CD101: variants seen among roughly 807,000 people sequenced by gnomAD.
CD101 encodes CD101 molecule.
A neutral mutation model predicts 98.2 loss-of-function variants in CD101; 76 were observed. The observed-to-expected ratio is 0.77, with a 90% confidence interval of 0.64 to 0.94. The LOEUF is 0.94. Among genes scored for constraint, CD101 ranks in the 40% least tolerant of loss-of-function variants. The pLI is 0.00. For missense variants in CD101, 1,145 were observed against 1,218.8 expected, an observed-to-expected ratio of 0.94 and a Z score of 0.90; for synonymous variants, 471 against 472.7, an observed-to-expected ratio of 1.00 and a Z score of 0.05.
rs890402334 is a variant in CD101, at chr1:117,033,030, T to C, written c.2825-830T>C. The C allele has an allele frequency of 6.6e-6, 1 of 152,234 alleles. No individual in the cohort carries two copies. Among genetic ancestry groups the C allele is most frequent in the African/African-American group, 2.4e-5 (1 of 41,446 alleles). The allele number at this position is 152,234 out of a possible 1,614,324, so 9.4% of individuals were successfully genotyped here. ...CACATGTGCTAGGCACTGTAGGGGA[T>C]ATAGAAACAAATGGCACTATCAGAC... On this transcript the variant is annotated intron_variant, in intron 8 of 9. Coordinates refer to ENST00000682167, the MANE Select transcript of CD101 (RefSeq NM_001256106.3). This position sits in a 1 kb window ranked among gnomAD's most constrained non-coding sequence, Gnocchi z 4.8.
At chr1:117,029,065 GAGAA>G (rs1200743314) in intron 8 of CD101, among the ~76,000 whole-genome samples, 4 of 149,756 alleles carry the variant, frequency 2.7e-5, no homozygotes, top group African/African-American at 9.9e-5. Context: ...GAGAGAGAGA[GAGAA>G]AGGAAGGAAG....
intron 4 of CD101, among the ~76,000 whole-genome samples, chr1:117,015,355 TA>T (rs901441587): frequency 1.8e-4 from 27 of 150,604 alleles, no homozygotes; most frequent in African/African-American, 5.1e-4. Flanking sequence ...AAACATCATT[TA>T]AAAAAAAAAT....
chr1:117,004,411 T>C lies in CD101; in HGVS notation c.43+2551T>C, dbSNP rs998129601. 6.6e-6 allele frequency among the ~76,000 whole-genome samples: 1 copy of C among 152,224 alleles called. No homozygotes were observed. The highest frequency in any genetic ancestry group is 6.5e-5 in the Admixed American group (1 of 15,280). On this transcript the variant is annotated intron_variant, in intron 1 of 9. Transcript: ENST00000682167. The surrounding 1 kb of genome is among the most constrained non-coding windows in gnomAD (Gnocchi z 4.1). Reference sequence around the variant, plus strand: ...TTTTATACAGTTCAACCTAATCGTTTTCATTCAAATAATACTGCAGTGGTA... The same window carrying C: ...TTTTATACAGTTCAACCTAATCGTTCTCATTCAAATAATACTGCAGTGGTA...
rs1207531981 is a variant in CD101 at position 117,029,203 on chromosome 1, GAAAAGA to G, written c.2824+3302_2824+3307del. 1.0e-3 allele frequency among the ~76,000 whole-genome samples: 71 copies of G among 69,084 alleles called. 5 individuals carry two copies. Among genetic ancestry groups the G allele is most frequent in the East Asian group, 4.2e-3 (12 of 2,884 alleles). 45.3% of individuals were successfully genotyped at this position (69,084 alleles called of 152,430 possible). On this transcript the variant is annotated intron_variant, in intron 8 of 9. Transcript: ENST00000682167. Reference sequence around the variant, plus strand: ...AGAAAGAAAGAAAGAAAGAAAGAAAGAAAAGAAAGAAAAGAAAGAAAGAAAGAAAGA... The same window carrying G: ...AGAAAGAAAGAAAGAAAGAAAGAAAGAAGAAAAGAAAGAAAGAAAGAAAGA...
chr1:117,018,484 A>G lies in CD101; in HGVS notation c.1941A>G (p.Arg647=). 1 of 1,614,166 alleles carries G rather than the reference A, an allele frequency of 6.2e-7. No individual in the cohort carries two copies. Among genetic ancestry groups the G allele is most frequent in the Non-Finnish European group, 8.5e-7 (1 of 1,179,990 alleles). ...AGTGTGAAGTAGAAGTTTATGACAGAAATTCCCTATACAACAACCGCCCCC... is the reference window on the plus strand; with the variant it reads ...AGTGTGAAGTAGAAGTTTATGACAGGAATTCCCTATACAACAACCGCCCCC... ...VYQCEVEVYD[R]NSLYNNRPPR... Residue 647 remains arginine (R), a synonymous_variant, in exon 6 of 10, where the codon AGA becomes AGG. Coordinates refer to ENST00000682167, the MANE Select transcript of CD101 (RefSeq NM_001256106.3). This position sits in a 1 kb window ranked among gnomAD's most constrained non-coding sequence, Gnocchi z 4.3.
In CD101 at chr1:117,022,015, T is replaced by C. The variant is rs1380086300; in HGVS notation, c.2428+32T>C. The C allele has an allele frequency of 3.2e-6, 5 of 1,563,572 alleles. No individual in the cohort carries two copies. The highest frequency in any genetic ancestry group is 1.7e-4 in the Middle Eastern group (1 of 5,776). ...CTTGCGAGTGTATCCTCACAATGTCTGTCTGTCTGACGGCTGTTTTCTCTT... is the reference window on the plus strand; with the variant it reads ...CTTGCGAGTGTATCCTCACAATGTCCGTCTGTCTGACGGCTGTTTTCTCTT... On this transcript the variant is annotated intron_variant, in intron 7 of 9. Coordinates refer to ENST00000682167, the MANE Select transcript of CD101 (RefSeq NM_001256106.3). The surrounding 1 kb of genome is among the most constrained non-coding windows in gnomAD (Gnocchi z 4.8).
chr1:117,030,321 C>T (rs922733112), intron 8 of CD101, among the ~76,000 whole-genome samples: 1 of 151,792 alleles, frequency 6.6e-6, no homozygotes, highest in African/African-American at 2.4e-5. Flanking sequence ...GTCAAGGCTG[C>T]AGTAAGCCAT....
Position 117,011,540 on chromosome 1 carries a change from T to A in CD101, c.425-10T>A, listed in dbSNP as rs766643582. On this transcript the variant is annotated splice_polypyrimidine_tract_variant and intron_variant, in intron 2 of 9. Transcript: ENST00000682167. ...GGCCAGTCACATTATTATCATTCCT[T>A]TGTTTCCAGTTATTCCAGATACCCT... is the stretch of plus-strand genomic sequence containing the variant. 1 of 1,607,424 alleles carries A rather than the reference T, an allele frequency of 6.2e-7. No individual in the cohort carries two copies. The highest frequency in any genetic ancestry group is 8.5e-7 in the Non-Finnish European group (1 of 1,176,880).
chr1:117,008,190 C>T (rs148736338), intron 1 of CD101, among the ~76,000 whole-genome samples: 9 of 152,226 alleles, frequency 5.9e-5, no homozygotes, highest in South Asian at 2.1e-4. Flanking sequence ...AGAGGCTGAG[C>T]GCAGTGGCTC....
At chr1:117,034,279 C>A in intron 9 of CD101, 145 bp downstream of exon 9, 1 of 692,128 alleles carries the variant, frequency 1.4e-6, no homozygotes, top group Non-Finnish European at 2.4e-6. Context: ...GTTAGGTGTT[C>A]CTTTGTGTCT....
At chr1:117,016,638 C>T (rs889531132) in intron 4 of CD101, among the ~76,000 whole-genome samples, 2 of 152,120 alleles carry the variant, frequency 1.3e-5, no homozygotes, top group African/African-American at 2.4e-5. Context: ...ACAGGAGGAT[C>T]GCTTGAGGCC....
At position 117,001,835 on chromosome 1, in the gene CD101, T is replaced by C. The variant is rs766340407; in HGVS notation, c.18T>C (p.Tyr6=). Residue 6 remains tyrosine (Y), a synonymous_variant, in exon 1 of 10, where the codon TAT becomes TAC. Transcript: ENST00000682167. ...TGGCCCAAATGGCAGGCATCTCATA[T>C]GTGGCATCTTTCTTTCTCCTTCTGA... is the stretch of plus-strand genomic sequence containing the variant. MAGIS[Y]VASFFLLLTK... The C allele has an allele frequency of 6.2e-7, 1 of 1,614,194 alleles. No homozygotes were observed. Among genetic ancestry groups the C allele is most frequent in the East Asian group, 2.2e-5 (1 of 44,882 alleles).
Position 117,023,024 on chromosome 1 carries a change from A to G in CD101, c.2428+1041A>G, listed in dbSNP as rs1452133608. ...AAACACTGCCCTGGTTTCAACTACC[A>G]CCTTCTAGATGATAACTCTGAGATT... On this transcript the variant is annotated intron_variant, in intron 7 of 9. Transcript: ENST00000682167. The surrounding 1 kb of genome is among the most constrained non-coding windows in gnomAD (Gnocchi z 4.4). Among the ~76,000 whole-genome samples the G allele has an allele frequency of 6.6e-6, 1 of 152,176 alleles. No homozygotes were observed.
chr1:117,002,081 T>A (rs1008921512), intron 1 of CD101, among the ~76,000 whole-genome samples: 1 of 152,208 alleles, frequency 6.6e-6, no homozygotes, highest in Non-Finnish European at 1.5e-5. Flanking sequence ...TGCACAAGAT[T>A]CCATTGGTTT....
chr1:117,008,233 G>A (rs1316991942), intron 1 of CD101, among the ~76,000 whole-genome samples: 1 of 152,188 alleles, frequency 6.6e-6, no homozygotes, highest in Non-Finnish European at 1.5e-5. Flanking sequence ...GGGAGGCTGA[G>A]GCAAGCAGAT....
At chr1:117,035,651 G>A (rs537828746) in intron 9 of CD101, among the ~76,000 whole-genome samples, 3 of 151,046 alleles carry the variant, frequency 2.0e-5, no homozygotes, top group South Asian at 2.1e-4. Context: ...CCGGGTTCAC[G>A]CCATCCTCCT....
intron 1 of CD101, among the ~76,000 whole-genome samples, chr1:117,009,454 C>T (rs944327106): frequency 8.5e-5 from 13 of 152,324 alleles, no homozygotes; most frequent in African/African-American, 2.6e-4. Context: ...GGGAACTGCC[C>T]GATGGCAGGC....
intron 8 of CD101, among the ~76,000 whole-genome samples, chr1:117,029,637 A>C (rs1654317696): frequency 6.6e-6 from 1 of 152,248 alleles, no homozygotes; most frequent in South Asian, 2.1e-4. Context: ...GGGGATGCTT[A>C]AATGTTTACT....
In CD101 at chr1:117,016,871, T is replaced by G. The variant is rs560800989; in HGVS notation, c.1229-219T>G. Among the ~76,000 whole-genome samples, 119 of 152,250 alleles carry G rather than the reference T, an allele frequency of 7.8e-4. 5 individuals carry two copies. The South Asian group carries it at 0.024, about 31-fold the overall frequency. On this transcript the variant is annotated intron_variant, in intron 4 of 9. Transcript: ENST00000682167. ...ACCCAGTCTTTAGAAATAAATAAAT[T>G]GTTTAAGGGTGAATACATCCTCCGA...
Sources: allele counts gnomAD v4.1 joint callset (sites outside exome capture counted in the v4.1 genomes callset), GRCh38; gene constraint gnomAD v4.1.1; non-coding constraint Gnocchi (gnomAD v3.1); transcripts MANE v1.5; gene names NCBI Gene and HGNC (gene_info 2026-07-23, HGNC 2026-07-21).